Variants in ANXA10 observed in about 807,000 individuals in gnomAD.
The protein encoded by ANXA10 is annexin A10, also known as annexin 14.
ANXA10 carries 49 observed loss-of-function variants against 53.5 expected under a neutral mutation model. The ratio of observed to expected loss-of-function variants is 0.92; its 90% CI spans 0.73 to 1.16. The LOEUF is 1.16. Among genes scored for constraint, ANXA10 ranks in the 50% most tolerant of loss-of-function variants. The probability of loss-of-function intolerance (pLI) is 0.00; values close to 1 mark genes in which losing one functional copy is unlikely to be tolerated. For synonymous variants in ANXA10, 131 were observed against 128.9 expected (o/e 1.02, Z -0.11); for missense variants, 393 against 394.4 (o/e 1.00, Z 0.03).
In ANXA10 at chr4:168,187,523, T is replaced by C; in HGVS notation, c.*89T>C. On this transcript the variant is annotated 3_prime_UTR_variant, in exon 12 of 12. Coordinates refer to ENST00000359299, the MANE Select transcript of ANXA10 (RefSeq NM_007193.5). Reference sequence around the variant, plus strand: ...CACAAATTTGTACTGTTCATGGCACTATTAACAAAACTATACAATCATATT... The same window carrying C: ...CACAAATTTGTACTGTTCATGGCACCATTAACAAAACTATACAATCATATT... 1 of 750,900 alleles carries C rather than the reference T, an allele frequency of 1.3e-6. No individual in the cohort carries two copies. Among genetic ancestry groups the C allele is most frequent in the Non-Finnish European group, 2.1e-6 (1 of 486,548 alleles). 46.5% of individuals were successfully genotyped at this position (750,900 alleles called of 1,614,324 possible). A position where few individuals can be genotyped will look rare whatever the true frequency, so the allele number is the denominator to read the frequency against.
chr4:168,139,710 A>G, intron 3 of ANXA10, 130 bp downstream of exon 3: 2 of 577,316 alleles, frequency 3.5e-6, no homozygotes, highest in Non-Finnish European at 6.1e-6. Context: ...TATGTCAGAT[A>G]CAGTTCATAT....
chr4:168,156,652 C>T (rs191462631), intron 3 of ANXA10, among the ~76,000 whole-genome samples: 3,604 of 150,852 alleles, frequency 0.024, 193 homozygotes, highest in East Asian at 0.14. Flanking sequence ...TACAGGCACC[C>T]GCCACCATGC....
chr4:168,165,308 T>G lies in ANXA10; in HGVS notation c.462T>G (p.Thr154=). 1 of 1,583,518 alleles carries G rather than the reference T, an allele frequency of 6.3e-7. No individual in the cohort carries two copies. The highest frequency in any genetic ancestry group is 8.6e-7 in the Non-Finnish European group (1 of 1,161,714). ...YSETSGHFRD[T]LMNLVQGTRE... is the part of the protein sequence containing the mutation. ...AGACCTCAGGACACTTCAGAGATAC[T>G]CTCATGAACTTGGTCCAGGTATGGC... The change falls in exon 6 of 12, where the codon ACT becomes ACG. Residue 154 remains threonine, a synonymous_variant. Coordinates refer to ENST00000359299, the MANE Select transcript of ANXA10 (RefSeq NM_007193.5).
intron 2 of ANXA10, among the ~76,000 whole-genome samples, chr4:168,138,857 T>C (rs1328582361): frequency 6.6e-6 from 1 of 152,208 alleles, no homozygotes; most frequent in African/African-American, 2.4e-5. Flanking sequence ...TTGTAACTAT[T>C]ATAAATGGAA....
chr4:168,173,699 C>G (rs181733359), intron 6 of ANXA10, among the ~76,000 whole-genome samples: 8 of 152,268 alleles, frequency 5.3e-5, no homozygotes, highest in Admixed American at 3.9e-4. Flanking sequence ...ACACCAAAGA[C>G]AGTTTAAAGC....
chr4:168,155,339 T>C (rs1251592200), intron 3 of ANXA10, among the ~76,000 whole-genome samples: 1 of 126,730 alleles, frequency 7.9e-6, no homozygotes, highest in Admixed American at 1.1e-4. Flanking sequence ...TATTACATTA[T>C]ATATAATATA....
chr4:168,107,542 A>T (rs1447713015), intron 1 of ANXA10, among the ~76,000 whole-genome samples: 1 of 152,204 alleles, frequency 6.6e-6, no homozygotes, highest in African/African-American at 2.4e-5. Flanking sequence ...CACTAGGACT[A>T]GTTTTCCATA....
intron 2 of ANXA10, among the ~76,000 whole-genome samples, chr4:168,134,476 G>T (rs1198925587): frequency 6.6e-6 from 1 of 151,976 alleles, no homozygotes; most frequent in East Asian, 1.9e-4. Context: ...AACAGAACAA[G>T]AACAAAAAGT....
At chr4:168,134,538 A>C (rs1377402875) in intron 2 of ANXA10, among the ~76,000 whole-genome samples, 2 of 152,220 alleles carry the variant, frequency 1.3e-5, no homozygotes, top group Non-Finnish European at 2.9e-5. Context: ...AGACAAAGAA[A>C]GTAATTTTAA....
intron 2 of ANXA10, among the ~76,000 whole-genome samples, chr4:168,138,752 GCTATCTATGATTT>G (rs1192083048): frequency 6.6e-6 from 1 of 152,092 alleles, no homozygotes; most frequent in African/African-American, 2.4e-5. Flanking sequence ...ATTTGTTTGT[GCTATCTATGATTT>G]CTTTCAAGTG....
intron 3 of ANXA10, among the ~76,000 whole-genome samples, chr4:168,143,145 T>G (rs1731352283): frequency 6.6e-6 from 1 of 152,186 alleles, no homozygotes; most frequent in Non-Finnish European, 1.5e-5. Flanking sequence ...TTGCCCTGGC[T>G]GCTACCAGGT....
intron 6 of ANXA10, among the ~76,000 whole-genome samples, chr4:168,170,762 A>T (rs1237729335): frequency 1.2e-4 from 18 of 152,180 alleles, no homozygotes. Context: ...TTATATACTT[A>T]CAAAGTTTCA....
At chr4:168,159,214 C>A (rs952771845) in intron 3 of ANXA10, among the ~76,000 whole-genome samples, 2 of 152,138 alleles carry the variant, frequency 1.3e-5, no homozygotes, top group Non-Finnish European at 1.5e-5. Context: ...TTTTCAAATG[C>A]AAACCAACCT....
chr4:168,120,862 A>AT (rs762169609), intron 1 of ANXA10, among the ~76,000 whole-genome samples: 1 of 151,808 alleles, frequency 6.6e-6, no homozygotes, highest in Non-Finnish European at 1.5e-5. Flanking sequence ...CACTTCATTA[A>AT]TTTTTTTTCA....
chr4:168,165,083 G>A, intron 5 of ANXA10, 164 bp from the exon 6 acceptor site: 1 of 413,186 alleles, frequency 2.4e-6, no homozygotes. Flanking sequence ...ACCATTAGGT[G>A]ACAGAATTCT....
Position 168,139,542 on chromosome 4 carries a change from A to T in ANXA10, c.157A>T (p.Met53Leu). 1 of 1,613,118 alleles carries T rather than the reference A, an allele frequency of 6.2e-7. No homozygotes were observed. Among genetic ancestry groups the T allele is most frequent in the Middle Eastern group, 1.7e-4 (1 of 6,054 alleles). ...ILTQRCNAQR[M>L]MIAEAYQSMY... ...GACTCAGCGCTGCAATGCACAAAGG[A>T]TGATGATTGCAGAGGCATACCAGAG... Residue 53 changes from methionine to leucine, a missense_variant, in exon 3 of 12, where the codon ATG (methionine) becomes TTG (leucine). Met to Leu is a conservative substitution (Grantham distance 15). Coordinates refer to ENST00000359299, the MANE Select transcript of ANXA10 (RefSeq NM_007193.5).
intron 3 of ANXA10, among the ~76,000 whole-genome samples, chr4:168,144,458 A>G (rs779592287): frequency 3.3e-5 from 5 of 152,202 alleles, no homozygotes; most frequent in Non-Finnish European, 7.3e-5. Flanking sequence ...AAGTGCTGGG[A>G]TTACAGGCAT....
intron 1 of ANXA10, among the ~76,000 whole-genome samples, chr4:168,113,482 T>A (rs555082418): frequency 6.6e-6 from 1 of 152,366 alleles, no homozygotes; most frequent in African/African-American, 2.4e-5. Context: ...GAGTCCAGTC[T>A]GCTTCCACAA....
chr4:168,102,904 T>C (rs1449066243), intron 1 of ANXA10, among the ~76,000 whole-genome samples: 1 of 152,124 alleles, frequency 6.6e-6, no homozygotes, highest in Non-Finnish European at 1.5e-5. Flanking sequence ...CAGTAGAATA[T>C]CATTGTAGTT....
Sources: allele counts gnomAD v4.1 joint callset (sites outside exome capture counted in the v4.1 genomes callset), GRCh38; gene constraint gnomAD v4.1.1; transcripts MANE v1.5; gene names NCBI Gene and HGNC (gene_info 2026-07-23, HGNC 2026-07-21).